The following OCA2 variants were observed in gnomAD, a reference collection of about 807,000 sequenced individuals.
OCA2 encodes the protein OCA2 melanosomal transmembrane protein.
Under a neutral mutation model 100.2 loss-of-function variants are expected in OCA2, and 77 were observed. The ratio of observed to expected loss-of-function variants is 0.77; its 90% CI spans 0.64 to 0.93. The LOEUF (loss-of-function observed/expected upper bound fraction) is 0.93, where lower values mean the gene tolerates loss of function less well. Among genes scored for constraint, OCA2 ranks in the 40% least tolerant of loss-of-function variants. The probability of loss-of-function intolerance (pLI) is 0.00; values close to 1 mark genes in which losing one functional copy is unlikely to be tolerated. For missense variants in OCA2, 1,062 were observed against 1,089.1 expected (o/e 0.98, Z 0.35); for synonymous variants, 432 against 439.2 (o/e 0.98, Z 0.21).
intron 14 of OCA2, among the ~76,000 whole-genome samples, chr15:27,974,631 G>A (rs1008971914): frequency 1.1e-4 from 16 of 152,264 alleles, no homozygotes; most frequent in Admixed American, 1.0e-3. Context: ...AGCCAGGCGT[G>A]GTGGTATGCA....
At chr15:28,039,011 AAG>A (rs1315378561) in intron 2 of OCA2, among the ~76,000 whole-genome samples, 1 of 152,250 alleles carries the variant, frequency 6.6e-6, no homozygotes, top group African/African-American at 2.4e-5. Flanking sequence ...TAGTAACCAA[AAG>A]AGAGTTAAGA....
intron 9 of OCA2, among the ~76,000 whole-genome samples, chr15:28,011,985 A>G (rs2042254960): frequency 6.6e-6 from 1 of 152,040 alleles, no homozygotes; most frequent in African/African-American, 2.4e-5. Context: ...TCCAAAAAAA[A>G]AAAAGGAAAA....
intron 21 of OCA2, among the ~76,000 whole-genome samples, chr15:27,856,697 C>T (rs2035960387): frequency 7.2e-6 from 1 of 138,286 alleles, no homozygotes. Flanking sequence ...AAACACACAC[C>T]CCTAACACAC....
intron 9 of OCA2, among the ~76,000 whole-genome samples, chr15:27,995,734 G>T (rs370477139): frequency 2.6e-5 from 4 of 151,260 alleles, no homozygotes; most frequent in Non-Finnish European, 5.9e-5. Flanking sequence ...TATATTTTCC[G>T]AACACAATGG....
chr15:27,777,524 T>C (rs1222198527), intron 23 of OCA2, among the ~76,000 whole-genome samples: 4 of 152,220 alleles, frequency 2.6e-5, no homozygotes, highest in Admixed American at 2.6e-4. Context: ...CTACTAAATG[T>C]TGAAGTTTCC....
intron 2 of OCA2, among the ~76,000 whole-genome samples, chr15:28,034,151 G>C (rs913861031): frequency 1.3e-5 from 2 of 151,906 alleles, no homozygotes; most frequent in South Asian, 2.1e-4. Flanking sequence ...AATTGTCTGG[G>C]CATAGTGGTG....
chr15:28,050,567 G>GA (rs772566545), intron 2 of OCA2, among the ~76,000 whole-genome samples: 142 of 102,672 alleles, frequency 1.4e-3, no homozygotes, highest in Non-Finnish European at 1.8e-3. Context: ...TCTCAAAAAA[G>GA]AAAAAAAAAA....
At chr15:27,740,076 C>G in the OCA2 span, among the ~76,000 whole-genome samples, 1 of 152,198 alleles carries the variant, frequency 6.6e-6, no homozygotes, top group Non-Finnish European at 1.5e-5. Context: ...CTTCCACTTT[C>G]CTGTCTTGAG....
chr15:27,883,393 C>T (rs1000338262), intron 19 of OCA2, among the ~76,000 whole-genome samples: 14 of 152,306 alleles, frequency 9.2e-5, no homozygotes, highest in Admixed American at 2.0e-4. Flanking sequence ...TAGGTTTACA[C>T]GCCCTTAGCA....
chr15:27,768,207 C>G (rs1335894702), intron 23 of OCA2, among the ~76,000 whole-genome samples: 3 of 152,214 alleles, frequency 2.0e-5, no homozygotes, highest in African/African-American at 7.2e-5. Flanking sequence ...CTACAGGGAC[C>G]ATCTCACACT....
intron 23 of OCA2, among the ~76,000 whole-genome samples, chr15:27,842,307 G>C (rs557261776): frequency 6.6e-6 from 1 of 152,286 alleles, no homozygotes; most frequent in East Asian, 1.9e-4. Context: ...ATTACGATCA[G>C]TGGCTATTTC....
intron 23 of OCA2, among the ~76,000 whole-genome samples, chr15:27,805,583 G>A (rs2033805744): frequency 6.6e-6 from 1 of 152,182 alleles, no homozygotes; most frequent in African/African-American, 2.4e-5. Flanking sequence ...TTGGCGGGAG[G>A]GGAGGAGGAC....
At chr15:27,991,427 C>T (rs1364243311) in intron 9 of OCA2, among the ~76,000 whole-genome samples, 1 of 152,156 alleles carries the variant, frequency 6.6e-6, no homozygotes, top group African/African-American at 2.4e-5. Context: ...CGGCACAGCT[C>T]GTGCACGGAT....
intron 19 of OCA2, among the ~76,000 whole-genome samples, chr15:27,893,706 C>T (rs1006151147): frequency 2.6e-5 from 4 of 152,098 alleles, no homozygotes; most frequent in African/African-American, 9.7e-5. Context: ...AAAACTCCAC[C>T]CTGGTAAATT....
At chr15:27,889,238 A>ACTACAAC (rs2037356578) in intron 19 of OCA2, among the ~76,000 whole-genome samples, 1 of 152,320 alleles carries the variant, frequency 6.6e-6, no homozygotes, top group Admixed American at 6.5e-5. Flanking sequence ...GCTATATTTC[A>ACTACAAC]TGGGCTTTTC....
intron 9 of OCA2, among the ~76,000 whole-genome samples, chr15:28,011,900 G>C (rs2042251396): frequency 6.8e-6 from 1 of 147,274 alleles, no homozygotes; most frequent in South Asian, 2.2e-4. Context: ...CTGGGCAACA[G>C]AGGGAGACTC....
chr15:28,016,009 T>C (rs1328681293), intron 8 of OCA2, 95 bp downstream of exon 8: 5 of 913,682 alleles, frequency 5.5e-6, no homozygotes, highest in Non-Finnish European at 9.2e-6. Context: ...GACCTGGTGC[T>C]GTGTGGGCCG....
intron 21 of OCA2, among the ~76,000 whole-genome samples, chr15:27,868,438 G>C (rs2036411819): frequency 6.6e-6 from 1 of 152,152 alleles, no homozygotes; most frequent in Non-Finnish European, 1.5e-5. Flanking sequence ...AACGCAGACG[G>C]CATTATGCTA....
At chr15:27,815,105 A>T (rs2034246089) in intron 23 of OCA2, among the ~76,000 whole-genome samples, 1 of 152,198 alleles carries the variant, frequency 6.6e-6, no homozygotes, top group South Asian at 2.1e-4. Context: ...AAGGCCAACC[A>T]TCAGTCCAGT....
Sources: gnomAD v4.1 joint callset for allele counts (sites outside exome capture counted in the v4.1 genomes callset) on GRCh38, gnomAD v4.1.1 for gene constraint, MANE v1.5 for transcripts, NCBI Gene and HGNC (gene_info 2026-07-23, HGNC 2026-07-21) for gene names.